The following CCDC91 variants were observed in gnomAD, a reference collection of about 807,000 sequenced individuals.
CCDC91 encodes coiled-coil domain-containing protein 91.
A neutral mutation model predicts 63.2 loss-of-function variants in CCDC91; 48 were observed. That is an observed-to-expected ratio of 0.76 (90% CI 0.60 to 0.97). The LOEUF (loss-of-function observed/expected upper bound fraction) is 0.97, where lower values mean the gene tolerates loss of function less well. CCDC91 is among the 50% of genes least tolerant of loss of function. CCDC91 has a pLI of 0.00. For synonymous variants in CCDC91, 167 were observed against 165.8 expected, an observed-to-expected ratio of 1.01 and a Z score of -0.06; for missense variants, 500 against 494.6, an observed-to-expected ratio of 1.01 and a Z score of -0.10.
At chr12:28,467,163 G>A (rs533194352) in intron 11 of CCDC91, among the ~76,000 whole-genome samples, 362 of 152,038 alleles carry the variant, frequency 2.4e-3, no homozygotes, top group Non-Finnish European at 3.8e-3. Context: ...CCAATCAAAA[G>A]CTGTAAACTG....
chr12:28,499,228 C>T (rs797006666), intron 12 of CCDC91, among the ~76,000 whole-genome samples: 10 of 151,658 alleles, frequency 6.6e-5, no homozygotes, highest in African/African-American at 1.7e-4. Context: ...AATTCACAAA[C>T]GTAAAACCAC....
chr12:28,253,484 C>G (rs10843143), intron 1 of CCDC91, among the ~76,000 whole-genome samples: 30,722 of 152,100 alleles, frequency 0.2, 4,022 homozygotes, highest in Non-Finnish European at 0.3. Flanking sequence ...CAGATTCTGG[C>G]AGTGGTCTTA....
At chr12:28,411,630 A>G (rs1947323245) in intron 8 of CCDC91, among the ~76,000 whole-genome samples, 1 of 152,202 alleles carries the variant, frequency 6.6e-6, no homozygotes. Context: ...ATTGTTTAGT[A>G]TAGTCATCCA....
chr12:28,545,762 T>C (rs1392782352), intron 12 of CCDC91, among the ~76,000 whole-genome samples: 1 of 152,100 alleles, frequency 6.6e-6, no homozygotes, highest in Admixed American at 6.6e-5. Context: ...AACAGAAATC[T>C]ATCAAACTTT....
intron 8 of CCDC91, among the ~76,000 whole-genome samples, chr12:28,432,482 G>A (rs754905793): frequency 3.9e-5 from 6 of 152,012 alleles, no homozygotes; most frequent in African/African-American, 9.7e-5. Context: ...CTGCTGCCAC[G>A]TAAGACTTGC....
At chr12:28,241,195 C>G (rs1360656451) in intron 1 of CCDC91, among the ~76,000 whole-genome samples, 2 of 152,110 alleles carry the variant, frequency 1.3e-5, no homozygotes, top group African/African-American at 4.8e-5. Flanking sequence ...TGTATATCTT[C>G]TTTGGTGAAT....
At chr12:28,209,815 G>A (rs774318776) in intron 1 of CCDC91, among the ~76,000 whole-genome samples, 3 of 141,950 alleles carry the variant, frequency 2.1e-5, no homozygotes, top group African/African-American at 5.1e-5. Flanking sequence ...TTTAAACTTT[G>A]CAAAAATTTA....
intron 8 of CCDC91, among the ~76,000 whole-genome samples, chr12:28,412,294 C>A (rs1947364989): frequency 6.6e-6 from 1 of 152,132 alleles, no homozygotes; most frequent in Non-Finnish European, 1.5e-5. Flanking sequence ...TTAAATTCTT[C>A]CAAATATTAT....
intron 8 of CCDC91, among the ~76,000 whole-genome samples, chr12:28,427,597 G>T (rs1465593110): frequency 6.6e-6 from 1 of 151,562 alleles, no homozygotes; most frequent in Non-Finnish European, 1.5e-5. Context: ...TGAAATAATT[G>T]AAATATTTTT....
intron 1 of CCDC91, among the ~76,000 whole-genome samples, chr12:28,197,241 T>C (rs774203731): frequency 6.6e-5 from 10 of 152,142 alleles, no homozygotes; most frequent in Admixed American, 4.6e-4. Flanking sequence ...GGTAGAATCT[T>C]TGAATTTCAG....
chr12:28,284,246 A>G (rs879551088), intron 3 of CCDC91, among the ~76,000 whole-genome samples: 33 of 152,294 alleles, frequency 2.2e-4, no homozygotes, highest in South Asian at 4.1e-4. Context: ...TTTAGTGTGC[A>G]CAGGTAGCTT....
chr12:28,267,888 AT>A (rs1424999880), intron 3 of CCDC91, among the ~76,000 whole-genome samples: 1 of 49,132 alleles, frequency 2.0e-5, no homozygotes, highest in Non-Finnish European at 4.5e-5. Context: ...TATAATTATT[AT>A]AATTATATAT....
At chr12:28,428,260 A>G (rs114351031) in intron 8 of CCDC91, among the ~76,000 whole-genome samples, 2,276 of 152,196 alleles carry the variant, frequency 0.015, 68 homozygotes, top group African/African-American at 0.052. Flanking sequence ...TGTAGAAAAC[A>G]AAATATTCTG....
chr12:28,325,154 T>C (rs1329678077), intron 6 of CCDC91, among the ~76,000 whole-genome samples: 1 of 151,932 alleles, frequency 6.6e-6, no homozygotes, highest in Non-Finnish European at 1.5e-5. Flanking sequence ...AGATATTAGA[T>C]AAATTGGGAA....
At chr12:28,368,592 T>C (rs1489475566) in intron 7 of CCDC91, among the ~76,000 whole-genome samples, 4 of 152,252 alleles carry the variant, frequency 2.6e-5, no homozygotes, top group African/African-American at 9.6e-5. Context: ...ACGTCGCTTT[T>C]AATTCTGTCA....
intron 8 of CCDC91, among the ~76,000 whole-genome samples, chr12:28,398,489 G>C (rs1946422466): frequency 6.6e-6 from 1 of 152,172 alleles, no homozygotes; most frequent in African/African-American, 2.4e-5. Context: ...CATATAAACT[G>C]TGTGGGGATA....
At chr12:28,253,855 A>C (rs1466372661) in intron 1 of CCDC91, among the ~76,000 whole-genome samples, 1 of 152,206 alleles carries the variant, frequency 6.6e-6, no homozygotes, top group Non-Finnish European at 1.5e-5. Context: ...TGATGCTTCC[A>C]ACCAGATATA....
intron 12 of CCDC91, among the ~76,000 whole-genome samples, chr12:28,513,528 T>C (rs1939599961): frequency 1.3e-5 from 2 of 151,808 alleles, no homozygotes; most frequent in Admixed American, 1.3e-4. Flanking sequence ...GTAGTTATAA[T>C]GCAAATATTC....
At chr12:28,384,398 A>G (rs962987586) in intron 7 of CCDC91, among the ~76,000 whole-genome samples, 7 of 152,104 alleles carry the variant, frequency 4.6e-5, no homozygotes. Flanking sequence ...TCTAGAGCAT[A>G]TACAAAAAAG....
Sources: gnomAD v4.1 joint callset for allele counts (sites outside exome capture counted in the v4.1 genomes callset) on GRCh38, gnomAD v4.1.1 for gene constraint, MANE v1.5 for transcripts, NCBI Gene and HGNC (gene_info 2026-07-23, HGNC 2026-07-21) for gene names.